Variants in PCDHGA3 observed in about 807,000 individuals in gnomAD.
The protein encoded by PCDHGA3 is protocadherin gamma subfamily A, 3.
A neutral mutation model predicts 58.5 loss-of-function variants in PCDHGA3; 40 were observed. That is an observed-to-expected ratio of 0.68 (90% confidence interval 0.53 to 0.89). The LOEUF is 0.89. PCDHGA3 is among the 40% of genes least tolerant of loss of function. The probability of loss-of-function intolerance (pLI) is 0.00; values close to 1 mark genes in which losing one functional copy is unlikely to be tolerated. For synonymous variants in PCDHGA3, 530 were observed against 525.7 expected, an observed-to-expected ratio of 1.01 and a Z score of -0.11; for missense variants, 1,223 against 1,195.9, an observed-to-expected ratio of 1.02 and a Z score of -0.33.
intron 1 of PCDHGA3, chr5:141,420,364 ACTT>A (rs746817317): frequency 1.3e-4 from 174 of 1,368,558 alleles, no homozygotes; most frequent in Non-Finnish European, 1.6e-4. Context: ...ATTCTAGATA[ACTT>A]CTTCATAGAG....
At chr5:141,378,945 G>A (rs1775265317) in intron 1 of PCDHGA3, 1 of 152,196 alleles carries the variant, frequency 6.6e-6, no homozygotes, top group Admixed American at 6.5e-5. Context: ...TGGAATGAAT[G>A]GAGTACAGGG....
chr5:141,437,037 A>G (rs1410732155), intron 1 of PCDHGA3, among the ~76,000 whole-genome samples: 2 of 152,264 alleles, frequency 1.3e-5, no homozygotes, highest in Admixed American at 1.3e-4. Flanking sequence ...TGGATCACCG[A>G]AACCAGAAGG....
intron 1 of PCDHGA3, chr5:141,409,175 G>T: frequency 6.2e-7 from 1 of 1,614,008 alleles, no homozygotes; most frequent in Non-Finnish European, 8.5e-7. Flanking sequence ...GAAGGACGGA[G>T]GTGGTCTCTC....
chr5:141,366,058 G>C, intron 1 of PCDHGA3: 2 of 1,614,242 alleles, frequency 1.2e-6, no homozygotes, highest in East Asian at 2.2e-5. Flanking sequence ...CGGGCGTGGA[G>C]CTGGCGCCTC....
At chr5:141,398,895 A>G (rs2093721929) in intron 1 of PCDHGA3, 3 of 1,613,988 alleles carry the variant, frequency 1.9e-6, no homozygotes, top group African/African-American at 1.3e-5. Flanking sequence ...AAAACGTGCC[A>G]CCAGGCACCA....
In PCDHGA3 at chr5:141,410,786, TTCA is replaced by T. The variant is rs1001093749; in HGVS notation, c.2424+64331_2424+64333del. ...ATTATAGTTTTCACTATGTATTTGG[TTCA>T]TAAGTTGCTCTATCTTTTTGTAAAA... On this transcript the variant is annotated intron_variant, in intron 1 of 3. Transcript: ENST00000253812. 39 of 852,378 alleles carry T rather than the reference TTCA, an allele frequency of 4.6e-5. No homozygotes were observed. In the African/African-American group the frequency reaches 6.2e-4, roughly 13 times the overall value. 52.8% of individuals were successfully genotyped at this position (852,378 alleles called of 1,614,324 possible). A position where few individuals can be genotyped will look rare whatever the true frequency, so the allele number is the denominator to read the frequency against.
At chr5:141,392,160 T>C (rs1426961496) in intron 1 of PCDHGA3, 1 of 152,220 alleles carries the variant, frequency 6.6e-6, no homozygotes, top group Non-Finnish European at 1.5e-5. Context: ...TAAAACAATT[T>C]CTGAGTCAGT....
intron 1 of PCDHGA3, chr5:141,404,714 G>A: frequency 3.1e-6 from 5 of 1,614,068 alleles, no homozygotes; most frequent in Non-Finnish European, 4.2e-6. Flanking sequence ...TGGCTACCTG[G>A]TGACCAAGGT....
At chr5:141,395,508 A>G (rs1313015738) in intron 1 of PCDHGA3, 3 of 461,062 alleles carry the variant, frequency 6.5e-6, no homozygotes, top group Non-Finnish European at 1.1e-5. Flanking sequence ...CTTAAGAAGT[A>G]GCTACCCGTC....
Position 141,345,660 on chromosome 5 carries a change from A to G in PCDHGA3, c.1627A>G (p.Ser543Gly), listed in dbSNP as rs755723564. 1.2e-6 allele frequency: 2 copies of G among 1,614,210 alleles called. No homozygotes were observed. Among genetic ancestry groups the G allele is most frequent in the Non-Finnish European group, 8.5e-7 (1 of 1,180,042 alleles). ...CAGCGACAGCGGGAACCCTCCACTC[A>G]GCAGCAACGTGTCGCTGAACCTGTT... Reference protein sequence around the residue: ...TASDSGNPPLSSNVSLNLFVL... With the variant: ...TASDSGNPPLGSNVSLNLFVL... The change falls in exon 1 of 4, where the codon AGC (serine) becomes GGC (glycine). Residue 543 changes from serine to glycine, a missense_variant. This residue lies in a region of PCDHGA3 where 791 missense variants were observed against 708.5 expected (regional missense o/e 1.12). Coordinates refer to ENST00000253812, the MANE Select transcript of PCDHGA3 (RefSeq NM_018916.4).
At chr5:141,435,447 A>C (rs2097764160) in intron 1 of PCDHGA3, among the ~76,000 whole-genome samples, 1 of 152,168 alleles carries the variant, frequency 6.6e-6, no homozygotes, top group Non-Finnish European at 1.5e-5. Context: ...CATTAATACG[A>C]TATCTGTATG....
Position 141,486,230 on chromosome 5 carries a change from A to C in PCDHGA3, c.2425-8577A>C. On this transcript the variant is annotated intron_variant, in intron 1 of 3. Coordinates refer to ENST00000253812, the MANE Select transcript of PCDHGA3 (RefSeq NM_018916.4). The surrounding 1 kb of genome is among the most constrained non-coding windows in gnomAD (Gnocchi z 5.0). ...TGACAATGCCCCTTACATCACAGTGACCTCAGAGCTTGGAACCCTCCCCGA... is the reference window on the plus strand; with the variant it reads ...TGACAATGCCCCTTACATCACAGTGCCCTCAGAGCTTGGAACCCTCCCCGA... The C allele has an allele frequency of 6.2e-7, 1 of 1,614,016 alleles. No individual in the cohort carries two copies. Among genetic ancestry groups the C allele is most frequent in the Non-Finnish European group, 8.5e-7 (1 of 1,179,964 alleles).
At chr5:141,418,357 G>T (rs375883635) in intron 1 of PCDHGA3, 2 of 1,613,864 alleles carry the variant, frequency 1.2e-6, no homozygotes, top group African/African-American at 2.7e-5. Flanking sequence ...GTATGAATTC[G>T]CTGAGCAAAT....
At chr5:141,374,611 T>G in intron 1 of PCDHGA3, 1 of 1,613,552 alleles carries the variant, frequency 6.2e-7, no homozygotes, top group East Asian at 2.2e-5. Context: ...GTGGTAATAG[T>G]CACTTCTCAG....
chr5:141,486,030 C>A lies in PCDHGA3; in HGVS notation c.2425-8777C>A. The A allele has an allele frequency of 6.2e-7, 1 of 1,614,164 alleles. No homozygotes were observed. The highest frequency in any genetic ancestry group is 8.5e-7 in the Non-Finnish European group (1 of 1,180,012). ...ACCTTTTATTTCAGTGGTCATACCC[C>A]TGATCGTGTAAGAAACCTCTTTAGC... On this transcript the variant is annotated intron_variant, in intron 1 of 3. Coordinates refer to ENST00000253812, the MANE Select transcript of PCDHGA3 (RefSeq NM_018916.4). The surrounding 1 kb of genome is among the most constrained non-coding windows in gnomAD (Gnocchi z 5.0).
Position 141,431,112 on chromosome 5 carries a change from GAGTAGA to G in PCDHGA3, c.2425-63684_2425-63679del, listed in dbSNP as rs764068262. On this transcript the variant is annotated intron_variant, in intron 1 of 3. Transcript: ENST00000253812. The surrounding 1 kb of genome is among the most constrained non-coding windows in gnomAD (Gnocchi z 4.8). ...ATGGAGGATAAAGTGAAAATATATG[GAGTAGA>G]AGTAGAAGTAAGGGACATTAACGAC... The G allele has an allele frequency of 1.7e-5, 28 of 1,614,128 alleles. No individual in the cohort carries two copies. The highest frequency in any genetic ancestry group is 3.3e-5 in the South Asian group (3 of 91,092).
chr5:141,372,052 A>G (rs1768353245), intron 1 of PCDHGA3: 2 of 1,613,472 alleles, frequency 1.2e-6, no homozygotes. Context: ...GTGTTGGTGG[A>G]CGACCGCAAC....
intron 1 of PCDHGA3, chr5:141,355,976 C>G (rs1322217907): frequency 1.2e-6 from 2 of 1,613,916 alleles, no homozygotes; most frequent in Admixed American, 3.3e-5. Flanking sequence ...CCTGTAGGCA[C>G]TCGGCTACTC....
intron 1 of PCDHGA3, chr5:141,361,653 C>G (rs757588144): frequency 6.2e-7 from 1 of 1,613,770 alleles, no homozygotes; most frequent in Non-Finnish European, 8.5e-7. Flanking sequence ...CCTACGTGTC[C>G]GTGAGCGCGC....
Sources: gnomAD v4.1 joint callset for allele counts (sites outside exome capture counted in the v4.1 genomes callset) on GRCh38, gnomAD v4.1.1 for gene constraint, gnomAD v4.1.1 regional missense constraint, Gnocchi (gnomAD v3.1) non-coding constraint, MANE v1.5 for transcripts, NCBI Gene and HGNC (gene_info 2026-07-23, HGNC 2026-07-21) for gene names.